The following PCDH15 variants were observed in gnomAD, a reference collection of about 807,000 sequenced individuals.
The protein encoded by PCDH15 is protocadherin-15.
A neutral mutation model predicts 178.5 loss-of-function variants in PCDH15; 129 were observed. The ratio of observed to expected loss-of-function variants is 0.72; its 90% CI spans 0.63 to 0.84. The LOEUF is 0.84. PCDH15 is among the 40% of genes least tolerant of loss of function. The pLI, the probability that PCDH15 is intolerant of heterozygous loss-of-function variation, is 0.00. For missense variants in PCDH15, 2,230 were observed against 2,099.9 expected (o/e 1.06, Z -1.21); for synonymous variants, 800 against 732.0 (o/e 1.09, Z -1.50).
At chr10:54,240,831 C>T (rs985425747) in intron 8 of PCDH15, among the ~76,000 whole-genome samples, 1 of 151,782 alleles carries the variant, frequency 6.6e-6, no homozygotes, top group African/African-American at 2.4e-5. Flanking sequence ...CGGGGTTTCA[C>T]CGTGTTGGCC....
intron 2 of PCDH15, among the ~76,000 whole-genome samples, chr10:55,165,967 C>T (rs908541367): frequency 1.3e-5 from 2 of 151,998 alleles, no homozygotes; most frequent in African/African-American, 4.8e-5. Context: ...AAATACAATT[C>T]TCCTAACTTT....
At chr10:54,548,522 T>G (rs1156968223) in intron 2 of PCDH15, among the ~76,000 whole-genome samples, 2 of 146,042 alleles carry the variant, frequency 1.4e-5, no homozygotes, top group African/African-American at 4.9e-5. Flanking sequence ...ATGGATCCAT[T>G]TCTGTACCTT....
chr10:53,958,978 C>CAAA (rs71004497), intron 23 of PCDH15, among the ~76,000 whole-genome samples: 4 of 45,818 alleles, frequency 8.7e-5, no homozygotes, highest in Non-Finnish European at 1.5e-4. Context: ...GACTCCATCT[C>CAAA]AAAAAAAAAA....
At chr10:54,175,905 T>C (rs1293968033) in intron 13 of PCDH15, among the ~76,000 whole-genome samples, 1 of 152,172 alleles carries the variant, frequency 6.6e-6, no homozygotes, top group African/African-American at 2.4e-5. Context: ...TTACCTATGA[T>C]ATAGGTATAC....
At chr10:54,944,644 A>G (rs1838148592) in intron 2 of PCDH15, among the ~76,000 whole-genome samples, 1 of 151,966 alleles carries the variant, frequency 6.6e-6, no homozygotes, top group African/African-American at 2.4e-5. Context: ...AGAAGACAGA[A>G]GAAGCATTTA....
intron 2 of PCDH15, among the ~76,000 whole-genome samples, chr10:55,589,173 G>T (rs1427854329): frequency 6.6e-6 from 1 of 151,782 alleles, no homozygotes; most frequent in Non-Finnish European, 1.5e-5. Flanking sequence ...TTCTTCTAGG[G>T]TTTTTATGGT....
intron 2 of PCDH15, among the ~76,000 whole-genome samples, chr10:54,932,372 T>TAAAG (rs1300440473): frequency 2.0e-5 from 3 of 152,188 alleles, no homozygotes; most frequent in African/African-American, 7.2e-5. Context: ...AATAAGGATA[T>TAAAG]AAAGAAAGAA....
chr10:55,035,276 A>C (rs1840707381), intron 2 of PCDH15, among the ~76,000 whole-genome samples: 1 of 152,176 alleles, frequency 6.6e-6, no homozygotes, highest in South Asian at 2.1e-4. Flanking sequence ...TGCAATTAGC[A>C]TTGCATTCTC....
intron 3 of PCDH15, among the ~76,000 whole-genome samples, chr10:54,486,883 A>G (rs917926929): frequency 6.6e-6 from 1 of 151,976 alleles, no homozygotes; most frequent in Admixed American, 6.6e-5. Flanking sequence ...TTAAGCAGCC[A>G]TTATAGACCA....
chr10:55,565,870 C>G (rs1842291387), intron 2 of PCDH15, among the ~76,000 whole-genome samples: 5 of 151,624 alleles, frequency 3.3e-5, no homozygotes, highest in Admixed American at 3.3e-4. Context: ...AACAAAAGCC[C>G]TGGACCTGAT....
chr10:54,397,504 T>A (rs1951396988), intron 3 of PCDH15, among the ~76,000 whole-genome samples: 1 of 152,076 alleles, frequency 6.6e-6, no homozygotes, highest in African/African-American at 2.4e-5. Flanking sequence ...GTCTTGCCTG[T>A]TTAACTCTAT....
intron 1 of PCDH15, among the ~76,000 whole-genome samples, chr10:55,183,333 G>C (rs1440576431): frequency 1.3e-5 from 2 of 151,838 alleles, no homozygotes; most frequent in Non-Finnish European, 2.9e-5. Flanking sequence ...TCCACATCTT[G>C]ATACATATTG....
At chr10:54,392,641 G>A (rs1950699878) in intron 3 of PCDH15, among the ~76,000 whole-genome samples, 1 of 151,872 alleles carries the variant, frequency 6.6e-6, no homozygotes, top group Admixed American at 6.6e-5. Flanking sequence ...GCTCATGCTT[G>A]TAATCCCAGC....
At chr10:54,790,582 C>T (rs11004578) in intron 1 of PCDH15, among the ~76,000 whole-genome samples, 1 of 151,736 alleles carries the variant, frequency 6.6e-6, no homozygotes, top group Admixed American at 6.6e-5. Flanking sequence ...AACAAATCCT[C>T]TGAGCGAGCT....
intron 2 of PCDH15, among the ~76,000 whole-genome samples, chr10:54,927,077 G>A (rs181817522): frequency 6.6e-6 from 1 of 152,100 alleles, no homozygotes; most frequent in African/African-American, 2.4e-5. Flanking sequence ...TGAGCATTTA[G>A]TACTATAAAT....
intron 4 of PCDH15, among the ~76,000 whole-genome samples, chr10:54,372,323 T>G (rs1947799672): frequency 6.6e-6 from 1 of 151,788 alleles, no homozygotes; most frequent in African/African-American, 2.4e-5. Context: ...AGGCCTCACT[T>G]AGTCCTGCTA....
In PCDH15 at chr10:54,273,189, G is replaced by T. The variant is rs2058146766; in HGVS notation, c.877-36258C>A. 2.0e-5 allele frequency among the ~76,000 whole-genome samples: 3 copies of T among 151,578 alleles called. No homozygotes were observed. In the South Asian group the frequency reaches 6.2e-4, roughly 31 times the overall value. ...GCTTGCATGTAATTTATTGTTCAAAGAAAAATAAAAATAGAAGTTATACTT... is the reference window on the plus strand; with the variant it reads ...GCTTGCATGTAATTTATTGTTCAAATAAAAATAAAAATAGAAGTTATACTT... On this transcript the variant is annotated intron_variant, in intron 8 of 37. Coordinates refer to ENST00000644397, the MANE Select transcript of PCDH15 (RefSeq NM_001384140.1).
At chr10:55,439,608 A>G (rs1281878228) in intron 2 of PCDH15, among the ~76,000 whole-genome samples, 1 of 151,728 alleles carries the variant, frequency 6.6e-6, no homozygotes, top group African/African-American at 2.4e-5. Context: ...TTTTTTTTTA[A>G]ATGATGAAAA....
At chr10:55,173,309 A>ATGTG (rs775260037) in intron 1 of PCDH15, among the ~76,000 whole-genome samples, 5,771 of 133,030 alleles carry the variant, frequency 0.043, 163 homozygotes, top group Middle Eastern at 0.091. Flanking sequence ...TAGAAAGATT[A>ATGTG]TGTGTGTGTG....
Sources: allele counts gnomAD v4.1 joint callset (sites outside exome capture counted in the v4.1 genomes callset), GRCh38; gene constraint gnomAD v4.1.1; transcripts MANE v1.5; gene names NCBI Gene and HGNC (gene_info 2026-07-23, HGNC 2026-07-21).